Variants in CNOT7 observed in about 807,000 individuals in gnomAD.
CNOT7 encodes the protein CCR4-NOT transcription complex subunit 7.
In CNOT7, 4 loss-of-function variants were observed where a neutral mutation model predicts 37.1. The ratio of observed to expected loss-of-function variants is 0.11; its 90% CI spans 0.05 to 0.25. CNOT7 has a LOEUF of 0.25. Ranked by LOEUF, CNOT7 falls within the 10% of genes least tolerant of loss-of-function variation. The pLI is 1.00. For missense variants in CNOT7, 170 were observed against 336.2 expected, an observed-to-expected ratio of 0.51 and a Z score of 3.87; for synonymous variants, 128 against 115.6, an observed-to-expected ratio of 1.11 and a Z score of -0.69.
Position 17,230,656 on chromosome 8 carries a change from A to C in CNOT7, c.*64T>G. 9.2e-6 allele frequency: 13 copies of C among 1,413,672 alleles called. No homozygotes were observed. Among genetic ancestry groups the C allele is most frequent in the Non-Finnish European group, 1.0e-5 (11 of 1,051,660 alleles). 87.6% of individuals were successfully genotyped at this position (1,413,672 alleles called of 1,614,324 possible). A position where few individuals can be genotyped will look rare whatever the true frequency, so the allele number is the denominator to read the frequency against. On this transcript the variant is annotated 3_prime_UTR_variant, in exon 7 of 7. Coordinates refer to ENST00000361272, the MANE Select transcript of CNOT7 (RefSeq NM_013354.7). ...TGTCTATTGTTCGAGGGATTCAACC[A>C]GAGATAAAACCTATATACAAGCATG...
rs1808361365 is a variant in CNOT7, at chr8:17,229,380, T to C, written c.*1340A>G. ...AGAATGTACAAGGGAGACAAACCAA[T>C]GTGACTAACATTTGGAGATTTGCTA... On this transcript the variant is annotated 3_prime_UTR_variant, in exon 7 of 7. Coordinates refer to ENST00000361272, the MANE Select transcript of CNOT7 (RefSeq NM_013354.7). 6.6e-6 allele frequency: 1 copy of C among 152,326 alleles called. No individual in the cohort carries two copies. Among genetic ancestry groups the C allele is most frequent in the Admixed American group, 6.6e-5 (1 of 15,238 alleles). The allele number at this position is 152,326 out of a possible 1,614,324, so 9.4% of individuals were successfully genotyped here. A position where few individuals can be genotyped will look rare whatever the true frequency, so the allele number is the denominator to read the frequency against.
intron 3 of CNOT7, among the ~76,000 whole-genome samples, chr8:17,238,300 A>T (rs1195017456): frequency 1.3e-5 from 2 of 152,202 alleles, no homozygotes; most frequent in African/African-American, 4.8e-5. Flanking sequence ...ACACTTGACA[A>T]ATCTAAACCA....
At chr8:17,234,891 G>T in intron 4 of CNOT7, 31 bp from the exon 5 acceptor site, 1 of 1,602,048 alleles carries the variant, frequency 6.2e-7, no homozygotes, top group Non-Finnish European at 8.5e-7. Context: ...TAGAGAAGAG[G>T]GACATATAAA....
rs1306269318 is a variant in CNOT7, at chr8:17,229,637, T to C, written c.*1083A>G. ...CAGGTAATTTTATCAGCTATATATA[T>C]ATATATGAGAATATATATATATTTT... On this transcript the variant is annotated 3_prime_UTR_variant, in exon 7 of 7. Coordinates refer to ENST00000361272, the MANE Select transcript of CNOT7 (RefSeq NM_013354.7). 3 of 151,730 alleles carry C rather than the reference T, an allele frequency of 2.0e-5. No homozygotes were observed. Among genetic ancestry groups the C allele is most frequent in the Admixed American group, 6.6e-5 (1 of 15,134 alleles). 9.4% of individuals were successfully genotyped at this position (151,730 alleles called of 1,614,324 possible).
Position 17,229,116 on chromosome 8 carries a change from A to AATC in CNOT7, c.*1601_*1603dup, listed in dbSNP as rs1225926545. Reference sequence around the variant, plus strand: ...CTGATTTTTCAATTAATGGACTAATAATCATCTAGGGTTAATGAAGGAAGT... The same window carrying AATC: ...CTGATTTTTCAATTAATGGACTAATAATCATCATCTAGGGTTAATGAAGGAAGT... On this transcript the variant is annotated 3_prime_UTR_variant, in exon 7 of 7. Coordinates refer to ENST00000361272, the MANE Select transcript of CNOT7 (RefSeq NM_013354.7). 1.3e-5 allele frequency: 2 copies of AATC among 151,956 alleles called. No individual in the cohort carries two copies. The highest frequency in any genetic ancestry group is 2.4e-5 in the African/African-American group (1 of 41,434). 9.4% of individuals were successfully genotyped at this position (151,956 alleles called of 1,614,324 possible).
chr8:17,226,075 T>A lies in CNOT7; in HGVS notation c.*4645A>T, dbSNP rs943180389. On this transcript the variant is annotated 3_prime_UTR_variant, in exon 7 of 7. Coordinates refer to ENST00000361272, the MANE Select transcript of CNOT7 (RefSeq NM_013354.7). ...TTTTTTGAAAAGGGCAGGTAGCAAA[T>A]ATTAGAGGCTTTGCAAGCTAAGACA... 2 of 122,186 alleles carry A rather than the reference T, an allele frequency of 1.6e-5. No homozygotes were observed. The highest frequency in any genetic ancestry group is 3.1e-5 in the African/African-American group (1 of 32,248). 7.6% of individuals were successfully genotyped at this position (122,186 alleles called of 1,614,324 possible). A position where few individuals can be genotyped will look rare whatever the true frequency, so the allele number is the denominator to read the frequency against.
At chr8:17,245,979 A>T (rs1214144714) in intron 1 of CNOT7, 1 of 151,752 alleles carries the variant, frequency 6.6e-6, no homozygotes, top group Non-Finnish European at 1.5e-5. Context: ...GAGTAAAAAG[A>T]GGGTCTTATG....
intron 1 of CNOT7, 126 bp from the exon 2 acceptor site, chr8:17,245,373 AGTTT>A: frequency 2.4e-6 from 1 of 422,724 alleles, no homozygotes; most frequent in Non-Finnish European, 4.0e-6. Flanking sequence ...AAAAAATCAA[AGTTT>A]AGAAAGTAAC....
chr8:17,238,790 C>T (rs903381025), intron 3 of CNOT7, among the ~76,000 whole-genome samples: 1 of 152,196 alleles, frequency 6.6e-6, no homozygotes, highest in Admixed American at 6.5e-5. Flanking sequence ...TCACCCCATA[C>T]CTGCTTTACA....
intron 2 of CNOT7, chr8:17,244,298 A>C (rs2151009440): frequency 6.6e-6 from 1 of 152,558 alleles, no homozygotes; most frequent in Non-Finnish European, 1.5e-5. Context: ...GTAACACAGT[A>C]TATTCACAGA....
In CNOT7 at chr8:17,228,184, C is replaced by T. The variant is rs923055882; in HGVS notation, c.*2536G>A. 3 of 151,866 alleles carry T rather than the reference C, an allele frequency of 2.0e-5. No individual in the cohort carries two copies. The highest frequency in any genetic ancestry group is 7.2e-5 in the African/African-American group (3 of 41,430). The allele number at this position is 151,866 out of a possible 1,614,324, so 9.4% of individuals were successfully genotyped here. On this transcript the variant is annotated 3_prime_UTR_variant, in exon 7 of 7. Coordinates refer to ENST00000361272, the MANE Select transcript of CNOT7 (RefSeq NM_013354.7). ...TTTCAGTTCATGGGCCACACAAAAA[C>T]AGGCAGCAAGCTGATTCTGGCTACG...
chr8:17,227,613 T>C lies in CNOT7; in HGVS notation c.*3107A>G. 6.6e-6 allele frequency: 1 copy of C among 151,936 alleles called. No homozygotes were observed. The highest frequency in any genetic ancestry group is 1.9e-4 in the East Asian group (1 of 5,196). 9.4% of individuals were successfully genotyped at this position (151,936 alleles called of 1,614,324 possible). A position where few individuals can be genotyped will look rare whatever the true frequency, so the allele number is the denominator to read the frequency against. ...GGTTGCAGCCTCATTTTTATTACTT[T>C]TGTGAAATTTTGCTGTGATGTTTCA... On this transcript the variant is annotated 3_prime_UTR_variant, in exon 7 of 7. Coordinates refer to ENST00000361272, the MANE Select transcript of CNOT7 (RefSeq NM_013354.7).
At chr8:17,240,935 AAAC>A (rs1447544186) in intron 3 of CNOT7, among the ~76,000 whole-genome samples, 4 of 152,304 alleles carry the variant, frequency 2.6e-5, no homozygotes, top group African/African-American at 7.2e-5. Context: ...AAACTAACTT[AAAC>A]AACAACAAAA....
chr8:17,232,548 T>G lies in CNOT7; in HGVS notation c.619-11A>C. The G allele has an allele frequency of 6.2e-7, 1 of 1,602,368 alleles. No homozygotes were observed. Among genetic ancestry groups the G allele is most frequent in the Non-Finnish European group, 8.5e-7 (1 of 1,177,120 alleles). ...CTCCTGTAATCCACCCTAGAAAAAA[T>G]AAAAAATTGCTTGTCAAGAAGAAAA... On this transcript the variant is annotated splice_polypyrimidine_tract_variant and intron_variant, in intron 5 of 6. Coordinates refer to ENST00000361272, the MANE Select transcript of CNOT7 (RefSeq NM_013354.7).
At chr8:17,232,032 C>G in intron 6 of CNOT7, 1 of 1,035,034 alleles carries the variant, frequency 9.7e-7, no homozygotes, top group Non-Finnish European at 1.2e-6. Context: ...CTAGAATAAA[C>G]CTAATATAAA....
chr8:17,240,512 T>C (rs1175417032), intron 3 of CNOT7, among the ~76,000 whole-genome samples: 1 of 152,204 alleles, frequency 6.6e-6, no homozygotes, highest in Non-Finnish European at 1.5e-5. Flanking sequence ...GCAGTCATTT[T>C]TGAGTAAGAA....
At chr8:17,243,211 A>G in intron 2 of CNOT7, 26 bp from the exon 3 acceptor site, 1 of 1,557,502 alleles carries the variant, frequency 6.4e-7, no homozygotes, top group South Asian at 1.2e-5. Flanking sequence ...AAGATTCATT[A>G]TGTACTAAAC....
Position 17,243,141 on chromosome 8 carries a change from G to A in CNOT7, c.162C>T (p.Phe54=), listed in dbSNP as rs1810419465. Residue 54 remains phenylalanine (F), a synonymous_variant, in exon 3 of 7, where the codon TTC becomes TTT. Coordinates refer to ENST00000361272, the MANE Select transcript of CNOT7 (RefSeq NM_013354.7). ...PGVVARPIGE[F]RSNADYQYQL... Reference sequence around the variant, plus strand: ...GGTATTGATAGTCAGCATTGCTCCTGAATTCTCCAATGGGTCTTGCAACCA... The same window carrying A: ...GGTATTGATAGTCAGCATTGCTCCTAAATTCTCCAATGGGTCTTGCAACCA... The A allele has an allele frequency of 7.5e-6, 12 of 1,607,100 alleles. No individual in the cohort carries two copies. Among genetic ancestry groups the A allele is most frequent in the Non-Finnish European group, 8.5e-6 (10 of 1,178,446 alleles).
rs1329782831 is a variant in CNOT7 at position 17,225,876 on chromosome 8, A to G, written c.*4844T>C. On this transcript the variant is annotated 3_prime_UTR_variant, in exon 7 of 7. Coordinates refer to ENST00000361272, the MANE Select transcript of CNOT7 (RefSeq NM_013354.7). The stretch of plus-strand genomic sequence containing the variant: ...TTTATTTATAAATTCTAACACATTT[A>G]TTTTATAGACATGAGATAACATATG... 2 of 151,602 alleles carry G rather than the reference A, an allele frequency of 1.3e-5. No individual in the cohort carries two copies. Among genetic ancestry groups the G allele is most frequent in the Non-Finnish European group, 3.0e-5 (2 of 67,668 alleles). 9.4% of individuals were successfully genotyped at this position (151,602 alleles called of 1,614,324 possible). A position where few individuals can be genotyped will look rare whatever the true frequency, so the allele number is the denominator to read the frequency against.
Sources: allele counts gnomAD v4.1 joint callset (sites outside exome capture counted in the v4.1 genomes callset), GRCh38; gene constraint gnomAD v4.1.1; transcripts MANE v1.5; gene names NCBI Gene and HGNC (gene_info 2026-07-23, HGNC 2026-07-21).